CREBRF: variants seen among roughly 807,000 people sequenced by gnomAD.
CREBRF encodes the protein UPF0474 protein C5orf41.
CREBRF carries 5 observed loss-of-function variants against 66.1 expected under a neutral mutation model. That is an observed-to-expected ratio of 0.08 (90% CI 0.04 to 0.16). The LOEUF (loss-of-function observed/expected upper bound fraction) is 0.16. CREBRF is among the 10% of genes least tolerant of loss of function. The pLI, the probability that CREBRF is intolerant of heterozygous loss-of-function variation, is 1.00. For synonymous variants in CREBRF, 229 were observed against 264.4 expected (o/e 0.87, Z 1.30); for missense variants, 531 against 744.9 (o/e 0.71, Z 3.34).
intron 1 of CREBRF, among the ~76,000 whole-genome samples, chr5:173,061,636 A>C (rs2113654568): frequency 6.6e-6 from 1 of 152,344 alleles, no homozygotes; most frequent in East Asian, 1.9e-4. Context: ...GTGAATAGTC[A>C]ACACATGTAG....
At chr5:173,114,796 T>A (rs1393437600) in intron 7 of CREBRF, among the ~76,000 whole-genome samples, 1 of 152,230 alleles carries the variant, frequency 6.6e-6, no homozygotes, top group African/African-American at 2.4e-5. Context: ...GAAATAGAAC[T>A]GTTAGCTCTT....
At chr5:173,117,638 CTTCT>C (rs1303831581) in intron 7 of CREBRF, among the ~76,000 whole-genome samples, 43 of 75,564 alleles carry the variant, frequency 5.7e-4, no homozygotes, top group Non-Finnish European at 1.0e-3. Flanking sequence ...TCCCTCCCTC[CTTCT>C]CTCCTCTCTC....
intron 1 of CREBRF, among the ~76,000 whole-genome samples, chr5:173,074,868 G>A (rs1757713944): frequency 6.6e-6 from 1 of 152,138 alleles, no homozygotes; most frequent in Non-Finnish European, 1.5e-5. Flanking sequence ...TGATCTGCCT[G>A]CCTCATCCTC....
intron 1 of CREBRF, among the ~76,000 whole-genome samples, chr5:173,065,578 G>A (rs1171643001): frequency 6.6e-6 from 1 of 150,980 alleles, no homozygotes; most frequent in East Asian, 1.9e-4. Flanking sequence ...TGTCTCTTGC[G>A]TTTATTTCAC....
intron 3 of CREBRF, among the ~76,000 whole-genome samples, chr5:173,089,739 A>G (rs1477962541): frequency 1.3e-5 from 2 of 151,902 alleles, no homozygotes; most frequent in African/African-American, 4.8e-5. Flanking sequence ...AAGTGTTGTT[A>G]TAAGGTCTTG....
At chr5:173,074,550 A>G (rs1264900074) in intron 1 of CREBRF, among the ~76,000 whole-genome samples, 1 of 151,922 alleles carries the variant, frequency 6.6e-6, no homozygotes, top group Non-Finnish European at 1.5e-5. Flanking sequence ...TATTTTGTTT[A>G]ATTACATTTT....
chr5:173,083,140 A>T (rs1371604670), intron 2 of CREBRF, among the ~76,000 whole-genome samples: 8 of 151,980 alleles, frequency 5.3e-5, no homozygotes, highest in African/African-American at 1.9e-4. Context: ...AGGCAGGAGA[A>T]TCGCTTGAAC....
At chr5:173,093,631 C>G (rs1758404549) in intron 4 of CREBRF, among the ~76,000 whole-genome samples, 1 of 152,192 alleles carries the variant, frequency 6.6e-6, no homozygotes. Context: ...ACCCTCCCAC[C>G]ACAGCCTTCC....
At chr5:173,083,150 C>T (rs1232536717) in intron 2 of CREBRF, among the ~76,000 whole-genome samples, 1 of 151,834 alleles carries the variant, frequency 6.6e-6, no homozygotes, top group Admixed American at 6.6e-5. Context: ...ATCGCTTGAA[C>T]ACTGGAGGTG....
At chr5:173,059,809 C>T (rs910630844) in intron 1 of CREBRF, among the ~76,000 whole-genome samples, 1 of 152,098 alleles carries the variant, frequency 6.6e-6, no homozygotes, top group African/African-American at 2.4e-5. Flanking sequence ...GGGTATAATT[C>T]CTTCATATGA....
At chr5:173,066,133 CAAAAT>C (rs1298590787) in intron 1 of CREBRF, among the ~76,000 whole-genome samples, 4 of 152,064 alleles carry the variant, frequency 2.6e-5, no homozygotes, top group Non-Finnish European at 2.9e-5. Flanking sequence ...AAAAGCAAAA[CAAAAT>C]AAATTCTTGC....
At chr5:173,068,532 A>G (rs1005758842) in intron 1 of CREBRF, among the ~76,000 whole-genome samples, 2 of 152,214 alleles carry the variant, frequency 1.3e-5, no homozygotes, top group Non-Finnish European at 2.9e-5. Flanking sequence ...ATAAAGAGCA[A>G]TAATCTTTCT....
At position 173,085,173 on chromosome 5, in the gene CREBRF, C is replaced by T. The variant is rs1372209447; in HGVS notation, c.10-1328C>T. ...GGCCAGCCTGGTCTCGAACTCCTGACCTCAGGTGATCCGCCTGCCTTGGCT... is the reference window on the plus strand; with the variant it reads ...GGCCAGCCTGGTCTCGAACTCCTGATCTCAGGTGATCCGCCTGCCTTGGCT... On this transcript the variant is annotated intron_variant, in intron 2 of 8. Coordinates refer to ENST00000296953, the MANE Select transcript of CREBRF (RefSeq NM_153607.3). 2.0e-5 allele frequency among the ~76,000 whole-genome samples: 3 copies of T among 151,932 alleles called. No individual in the cohort carries two copies. The South Asian group carries it at 6.2e-4, about 32-fold the overall frequency.
chr5:173,100,517 G>A (rs571542985), intron 4 of CREBRF, among the ~76,000 whole-genome samples: 6 of 151,418 alleles, frequency 4.0e-5, no homozygotes, highest in South Asian at 2.1e-4. Context: ...TCCACCTCCC[G>A]GGTTCAAGCG....
chr5:173,089,076 G>A (rs1758249331), intron 3 of CREBRF, among the ~76,000 whole-genome samples: 1 of 151,452 alleles, frequency 6.6e-6, no homozygotes, highest in Non-Finnish European at 1.5e-5. Context: ...CAATTCAGGA[G>A]GCTGAGGCAG....
intron 1 of CREBRF, among the ~76,000 whole-genome samples, chr5:173,067,127 C>T (rs1027546374): frequency 1.3e-5 from 2 of 152,122 alleles, no homozygotes; most frequent in African/African-American, 2.4e-5. Context: ...CCACCGTGCT[C>T]GGCCTGAGCC....
chr5:173,134,212 T>C lies in CREBRF; in HGVS notation c.*467T>C, dbSNP rs1161359424. The C allele has an allele frequency of 1.3e-5, 2 of 151,306 alleles. No homozygotes were observed. The highest frequency in any genetic ancestry group is 2.9e-5 in the Non-Finnish European group (2 of 68,466). 9.4% of individuals were successfully genotyped at this position (151,306 alleles called of 1,614,324 possible). A position where few individuals can be genotyped will look rare whatever the true frequency, so the allele number is the denominator to read the frequency against. On this transcript the variant is annotated 3_prime_UTR_variant, in exon 9 of 9. Transcript: ENST00000296953. ...TTGTATATGGCACACCCAGCACTTG[T>C]GCCTGTGGGCCATATTAGATGTTCA...
At chr5:173,067,510 C>T (rs1048300005) in intron 1 of CREBRF, among the ~76,000 whole-genome samples, 2 of 152,086 alleles carry the variant, frequency 1.3e-5, no homozygotes, top group Non-Finnish European at 2.9e-5. Flanking sequence ...TACCCAATGT[C>T]AGATCTAATT....
chr5:173,111,936 C>T (rs991425906), intron 6 of CREBRF, among the ~76,000 whole-genome samples: 5 of 152,016 alleles, frequency 3.3e-5, no homozygotes, highest in African/African-American at 1.2e-4. Flanking sequence ...GTTTTTTAGC[C>T]ACTTTAATAG....
Sources: allele counts gnomAD v4.1 joint callset (sites outside exome capture counted in the v4.1 genomes callset), GRCh38; gene constraint gnomAD v4.1.1; transcripts MANE v1.5; gene names NCBI Gene and HGNC (gene_info 2026-07-23, HGNC 2026-07-21).